Variants in LRRC4C observed in about 807,000 individuals in gnomAD.
The protein encoded by LRRC4C is leucine-rich repeat-containing protein 4C.
Under a neutral mutation model 33.6 loss-of-function variants are expected in LRRC4C, and 5 were observed. The ratio of observed to expected loss-of-function variants is 0.15; its 90% CI spans 0.08 to 0.31. The LOEUF is 0.31. Among genes scored for constraint, LRRC4C ranks in the 10% least tolerant of loss-of-function variants. LRRC4C has a pLI of 1.00. For synonymous variants in LRRC4C, 329 were observed against 302.0 expected (o/e 1.09, Z -0.93); for missense variants, 560 against 796.7 (o/e 0.70, Z 3.58).
At chr11:40,301,677 C>G (rs940576526) in intron 4 of LRRC4C, among the ~76,000 whole-genome samples, 4 of 151,954 alleles carry the variant, frequency 2.6e-5, no homozygotes, top group Admixed American at 2.0e-4. Flanking sequence ...CTTGTTTTCC[C>G]CACCACATTA....
chr11:40,614,614 G>T (rs542714696), intron 3 of LRRC4C, among the ~76,000 whole-genome samples: 20 of 151,656 alleles, frequency 1.3e-4, no homozygotes, highest in Middle Eastern at 3.5e-3. Flanking sequence ...AAGAGGCTTG[G>T]CTTTTGGCCT....
intron 3 of LRRC4C, among the ~76,000 whole-genome samples, chr11:40,418,827 G>A (rs1950421347): frequency 6.6e-6 from 1 of 152,102 alleles, no homozygotes; most frequent in African/African-American, 2.4e-5. Flanking sequence ...GGATGGAGCT[G>A]GAAGCCATTA....
intron 3 of LRRC4C, among the ~76,000 whole-genome samples, chr11:40,573,793 A>G (rs1261026161): frequency 2.0e-5 from 3 of 152,196 alleles, no homozygotes; most frequent in Admixed American, 6.5e-5. Context: ...TGTGACTTGG[A>G]CAAGATAGAT....
At chr11:40,816,518 A>G (rs1951711591) in intron 2 of LRRC4C, among the ~76,000 whole-genome samples, 2 of 152,166 alleles carry the variant, frequency 1.3e-5, no homozygotes, top group Admixed American at 1.3e-4. Context: ...AGCAAGAATG[A>G]TAACCACTGG....
chr11:40,411,856 T>C (rs1950167344), intron 3 of LRRC4C, among the ~76,000 whole-genome samples: 1 of 152,060 alleles, frequency 6.6e-6, no homozygotes, highest in Non-Finnish European at 1.5e-5. Flanking sequence ...TTGTTATGTG[T>C]TTACTGTGTG....
At chr11:40,494,856 A>G (rs1954347918) in intron 3 of LRRC4C, among the ~76,000 whole-genome samples, 1 of 152,226 alleles carries the variant, frequency 6.6e-6, no homozygotes, top group Non-Finnish European at 1.5e-5. Flanking sequence ...AATAAGTACA[A>G]GGAATTTGCA....
At chr11:41,404,492 G>GTC (rs1565646089) in intron 1 of LRRC4C, among the ~76,000 whole-genome samples, 1 of 145,530 alleles carries the variant, frequency 6.9e-6, no homozygotes, top group Non-Finnish European at 1.5e-5. Context: ...CTGTGTGTGT[G>GTC]TGTGTATACA....
intron 2 of LRRC4C, among the ~76,000 whole-genome samples, chr11:40,765,857 T>C (rs959388890): frequency 6.6e-6 from 1 of 151,520 alleles, no homozygotes; most frequent in Admixed American, 6.6e-5. Context: ...AAAAAGCAAA[T>C]CTAAGAGTCA....
chr11:41,065,363 GT>G lies in LRRC4C; in HGVS notation c.-495-131641del, dbSNP rs1451932710. Reference sequence around the variant, plus strand: ...GCTTCTCTAGATTCCTCCTCACTGGGTGAGGCATCTCTGCAGGAAATCCAGC... The same window carrying G: ...GCTTCTCTAGATTCCTCCTCACTGGGGAGGCATCTCTGCAGGAAATCCAGC... On this transcript the variant is annotated intron_variant, in intron 1 of 6. Transcript: ENST00000528697. Among the ~76,000 whole-genome samples, 5 of 152,288 alleles carry G rather than the reference GT, an allele frequency of 3.3e-5. No individual in the cohort carries two copies. In the East Asian group the frequency reaches 9.7e-4, roughly 29 times the overall value.
At chr11:40,584,436 C>T (rs1446124408) in intron 3 of LRRC4C, among the ~76,000 whole-genome samples, 2 of 151,612 alleles carry the variant, frequency 1.3e-5, no homozygotes, top group Non-Finnish European at 2.9e-5. Context: ...TATTTTCCAC[C>T]ACAGATAATA....
chr11:41,177,213 G>C (rs753210478), intron 1 of LRRC4C, among the ~76,000 whole-genome samples: 6 of 152,160 alleles, frequency 3.9e-5, no homozygotes, highest in Admixed American at 6.5e-5. Context: ...GGATAAGAGA[G>C]ACTGAAGACT....
intron 3 of LRRC4C, among the ~76,000 whole-genome samples, chr11:40,555,390 G>A (rs1204183153): frequency 2.0e-5 from 3 of 152,162 alleles, no homozygotes; most frequent in Non-Finnish European, 4.4e-5. Context: ...GGTATCTTCA[G>A]AGTTTATGCC....
At chr11:41,143,551 G>A (rs561163418) in intron 1 of LRRC4C, among the ~76,000 whole-genome samples, 3 of 152,292 alleles carry the variant, frequency 2.0e-5, no homozygotes, top group East Asian at 3.9e-4. Flanking sequence ...TCCTGAAGAT[G>A]AGGGACAGGT....
rs188299287 is a variant in LRRC4C, at chr11:41,236,113, G to A, written c.-496+223318C>T. Among the ~76,000 whole-genome samples, 4 of 152,202 alleles carry A rather than the reference G, an allele frequency of 2.6e-5. No homozygotes were observed. In the East Asian group the frequency reaches 5.8e-4, roughly 22 times the overall value. On this transcript the variant is annotated intron_variant, in intron 1 of 6. Transcript: ENST00000528697. The stretch of plus-strand genomic sequence containing the variant: ...ATGAGGACTGGTTAAGTTTGCATGT[G>A]ATTTTGACCACCTACCATTCTACTA...
At chr11:40,482,048 A>T (rs1953597179) in intron 3 of LRRC4C, among the ~76,000 whole-genome samples, 1 of 152,186 alleles carries the variant, frequency 6.6e-6, no homozygotes, top group Non-Finnish European at 1.5e-5. Context: ...TGACAATATA[A>T]GCTCTGTCAC....
chr11:40,158,956 AT>A (rs984225267), intron 5 of LRRC4C, among the ~76,000 whole-genome samples: 6 of 152,100 alleles, frequency 3.9e-5, no homozygotes, highest in African/African-American at 9.7e-5. Context: ...TTCACTCATG[AT>A]TTTTTTCTTA....
At chr11:41,264,949 A>C (rs180769118) in intron 1 of LRRC4C, among the ~76,000 whole-genome samples, 2 of 152,160 alleles carry the variant, frequency 1.3e-5, no homozygotes, top group African/African-American at 2.4e-5. Flanking sequence ...CCTAGAATGC[A>C]GGTCTTTTGC....
chr11:40,436,461 A>G (rs888395449), intron 3 of LRRC4C, among the ~76,000 whole-genome samples: 1 of 152,198 alleles, frequency 6.6e-6, no homozygotes, highest in Non-Finnish European at 1.5e-5. Context: ...CCTGGCCAGG[A>G]GAAATACATT....
At chr11:40,996,948 T>C (rs961506927) in intron 1 of LRRC4C, among the ~76,000 whole-genome samples, 2 of 152,088 alleles carry the variant, frequency 1.3e-5, no homozygotes, top group South Asian at 4.1e-4. Context: ...AGATCAAACT[T>C]TTTTTCAACA....
Sources: allele counts gnomAD v4.1 joint callset (sites outside exome capture counted in the v4.1 genomes callset), GRCh38; gene constraint gnomAD v4.1.1; transcripts MANE v1.5; gene names NCBI Gene and HGNC (gene_info 2026-07-23, HGNC 2026-07-21).